PLCL1: variants seen among roughly 807,000 people sequenced by gnomAD.
PLCL1 encodes the protein inactive phospholipase C-like protein 1.
Under a neutral mutation model 84.4 loss-of-function variants are expected in PLCL1, and 41 were observed. The observed-to-expected ratio is 0.49, with a 90% CI of 0.38 to 0.63. The LOEUF (loss-of-function observed/expected upper bound fraction) is 0.63. Among genes scored for constraint, PLCL1 ranks in the 30% least tolerant of loss-of-function variants. The probability of loss-of-function intolerance (pLI) is 0.00; values close to 1 mark genes in which losing one functional copy is unlikely to be tolerated. For missense variants in PLCL1, 1,206 were observed against 1,367.8 expected, an observed-to-expected ratio of 0.88 and a Z score of 1.87; for synonymous variants, 490 against 488.3, an observed-to-expected ratio of 1.00 and a Z score of -0.05.
At chr2:197,959,095 T>C (rs537980556) in intron 1 of PLCL1, among the ~76,000 whole-genome samples, 1 of 152,162 alleles carries the variant, frequency 6.6e-6, no homozygotes, top group South Asian at 2.1e-4. Flanking sequence ...AAACTAGCTA[T>C]GTGACTTCAG....
chr2:198,056,302 GT>G (rs1328593401), intron 1 of PLCL1, among the ~76,000 whole-genome samples: 1 of 152,082 alleles, frequency 6.6e-6, no homozygotes, highest in Non-Finnish European at 1.5e-5. Flanking sequence ...ACAATATCAA[GT>G]TGTTCCCCTC....
chr2:197,899,166 C>A (rs1445990648), intron 1 of PLCL1, among the ~76,000 whole-genome samples: 1 of 152,028 alleles, frequency 6.6e-6, no homozygotes, highest in African/African-American at 2.4e-5. Context: ...AGAATGAGAG[C>A]ACATAAATAA....
chr2:197,983,855 A>G (rs2105807211), intron 1 of PLCL1, among the ~76,000 whole-genome samples: 1 of 152,358 alleles, frequency 6.6e-6, no homozygotes, highest in East Asian at 1.9e-4. Flanking sequence ...CTGCAAAAAT[A>G]CACAAAGGAT....
At chr2:197,864,241 G>A (rs1452441616) in intron 1 of PLCL1, among the ~76,000 whole-genome samples, 1 of 151,982 alleles carries the variant, frequency 6.6e-6, no homozygotes, top group African/African-American at 2.4e-5. Context: ...ATATCACATG[G>A]AAGTTATTTT....
chr2:198,143,177 G>A (rs761373668), intron 5 of PLCL1, among the ~76,000 whole-genome samples: 4 of 152,078 alleles, frequency 2.6e-5, no homozygotes, highest in Non-Finnish European at 4.4e-5. Flanking sequence ...GTGGGTGTCG[G>A]GGGGTGGTTT....
intron 1 of PLCL1, among the ~76,000 whole-genome samples, chr2:197,991,553 G>A (rs1034528963): frequency 1.3e-5 from 2 of 151,930 alleles, no homozygotes; most frequent in Non-Finnish European, 2.9e-5. Flanking sequence ...AATTTATTCT[G>A]TGCTCCTACT....
At chr2:197,918,131 A>C (rs1387015370) in intron 1 of PLCL1, among the ~76,000 whole-genome samples, 1 of 152,224 alleles carries the variant, frequency 6.6e-6, no homozygotes, top group East Asian at 1.9e-4. Context: ...TTATCACTTG[A>C]TATGATAAAA....
chr2:197,925,900 A>G (rs567935700), intron 1 of PLCL1, among the ~76,000 whole-genome samples: 9 of 152,206 alleles, frequency 5.9e-5, no homozygotes, highest in East Asian at 1.9e-4. Flanking sequence ...TTGTCACTCT[A>G]TTTGTAGCAC....
At chr2:198,067,446 A>G (rs569473781) in intron 1 of PLCL1, among the ~76,000 whole-genome samples, 5 of 152,242 alleles carry the variant, frequency 3.3e-5, no homozygotes, top group Non-Finnish European at 1.5e-5. Flanking sequence ...CCTCTTTTTG[A>G]GCGGCATTTT....
At chr2:198,108,918 C>T (rs912382344) in intron 5 of PLCL1, among the ~76,000 whole-genome samples, 7 of 151,846 alleles carry the variant, frequency 4.6e-5, no homozygotes, top group Non-Finnish European at 8.8e-5. Context: ...TGAAATTGGT[C>T]TCCTTACATA....
intron 1 of PLCL1, among the ~76,000 whole-genome samples, chr2:197,928,659 A>T (rs1688877203): frequency 6.6e-6 from 1 of 152,190 alleles, no homozygotes; most frequent in South Asian, 2.1e-4. Context: ...ATGAAATGTT[A>T]ATGATGGAAG....
At chr2:197,861,658 G>T (rs145120200) in intron 1 of PLCL1, among the ~76,000 whole-genome samples, 1,739 of 152,246 alleles carry the variant, frequency 0.011, 27 homozygotes, top group Admixed American at 0.022. Context: ...ACTTCAACCT[G>T]TGGGATCTGA....
intron 1 of PLCL1, among the ~76,000 whole-genome samples, chr2:197,931,923 T>C (rs985287447): frequency 6.6e-6 from 1 of 152,236 alleles, no homozygotes; most frequent in South Asian, 2.1e-4. Context: ...TCATTTTACA[T>C]AATTTACATA....
chr2:197,915,175 G>C (rs1268385559), intron 1 of PLCL1, among the ~76,000 whole-genome samples: 1 of 152,158 alleles, frequency 6.6e-6, no homozygotes, highest in Non-Finnish European at 1.5e-5. Flanking sequence ...CCTAGAAGGG[G>C]TTTAATCTTC....
chr2:197,903,749 C>T (rs1447316990), intron 1 of PLCL1, among the ~76,000 whole-genome samples: 1 of 148,026 alleles, frequency 6.8e-6, no homozygotes, highest in Non-Finnish European at 1.5e-5. Flanking sequence ...GTGATCTGCC[C>T]GCCTCAGCCT....
chr2:197,813,579 C>T (rs545335846), intron 1 of PLCL1, among the ~76,000 whole-genome samples: 1 of 152,102 alleles, frequency 6.6e-6, no homozygotes, highest in Non-Finnish European at 1.5e-5. Context: ...CTAGTAACAT[C>T]TTGAATTGGT....
At chr2:198,073,959 A>G (rs915239081) in intron 1 of PLCL1, among the ~76,000 whole-genome samples, 2 of 152,202 alleles carry the variant, frequency 1.3e-5, no homozygotes, top group Admixed American at 1.3e-4. Context: ...AGTGACATAC[A>G]TTTATAAAAT....
intron 1 of PLCL1, among the ~76,000 whole-genome samples, chr2:198,047,161 GTGTA>G (rs1231082428): frequency 1.2e-5 from 1 of 80,660 alleles, no homozygotes; most frequent in African/African-American, 6.0e-5. Context: ...ATGCATGTGT[GTGTA>G]TGTGTGTGTG....
chr2:197,925,467 T>A (rs1688814187), intron 1 of PLCL1, among the ~76,000 whole-genome samples: 1 of 152,184 alleles, frequency 6.6e-6, no homozygotes. Context: ...CAGTTTCTAT[T>A]ATTTGGGAAT....
Sources: gnomAD v4.1 joint callset for allele counts (sites outside exome capture counted in the v4.1 genomes callset) on GRCh38, gnomAD v4.1.1 for gene constraint, MANE v1.5 for transcripts, NCBI Gene and HGNC (gene_info 2026-07-23, HGNC 2026-07-21) for gene names.